The following HSD17B12 variants were observed in gnomAD, a reference collection of about 807,000 sequenced individuals.
HSD17B12 encodes the protein very-long-chain 3-oxoacyl-CoA reductase.
In HSD17B12, 32 loss-of-function variants were observed where a neutral mutation model predicts 39.3. The observed-to-expected ratio is 0.81, with a 90% CI of 0.61 to 1.09. The LOEUF is 1.09. HSD17B12 is among the 50% of genes least tolerant of loss of function. HSD17B12 has a pLI of 0.00. For synonymous variants in HSD17B12, 150 were observed against 146.7 expected, an observed-to-expected ratio of 1.02 and a Z score of -0.16; for missense variants, 342 against 382.9, an observed-to-expected ratio of 0.89 and a Z score of 0.89.
chr11:43,595,842 G>A, the HSD17B12 span, among the ~76,000 whole-genome samples: 1 of 151,642 alleles, frequency 6.6e-6, no homozygotes, highest in Non-Finnish European at 1.5e-5. Context: ...CACAGAGCGA[G>A]AGAGAGAGAG....
At chr11:43,576,253 G>T in the HSD17B12 span, among the ~76,000 whole-genome samples, 3 of 152,178 alleles carry the variant, frequency 2.0e-5, no homozygotes, top group South Asian at 6.2e-4. Flanking sequence ...AACATTTTCT[G>T]CAGTTATGCA....
At chr11:43,700,496 C>T (rs1949954217) in intron 1 of HSD17B12, among the ~76,000 whole-genome samples, 1 of 152,084 alleles carries the variant, frequency 6.6e-6, no homozygotes, top group Admixed American at 6.6e-5. Context: ...CCCCACTACC[C>T]TTCCTAGCTT....
At chr11:43,720,848 GA>G (rs200411337) in intron 1 of HSD17B12, among the ~76,000 whole-genome samples, 10 of 151,504 alleles carry the variant, frequency 6.6e-5, no homozygotes, top group Admixed American at 2.0e-4. Context: ...GAGTTTTAAT[GA>G]AAAAAAACCA....
chr11:43,710,247 T>C (rs1950052293), intron 1 of HSD17B12, among the ~76,000 whole-genome samples: 1 of 152,230 alleles, frequency 6.6e-6, no homozygotes, highest in Non-Finnish European at 1.5e-5. Context: ...TTCCTTATCT[T>C]ATTTTAATGG....
At chr11:43,659,341 C>T in the HSD17B12 span, among the ~76,000 whole-genome samples, 48 of 152,214 alleles carry the variant, frequency 3.2e-4, no homozygotes, top group Non-Finnish European at 6.0e-4. Context: ...TTGTGCTTCC[C>T]AGGTGAGGCG....
intron 9 of HSD17B12, among the ~76,000 whole-genome samples, chr11:43,850,009 G>A (rs1251769791): frequency 1.3e-5 from 2 of 152,176 alleles, no homozygotes; most frequent in African/African-American, 2.4e-5. Flanking sequence ...CATTTATCAA[G>A]GATCTTTGTG....
the HSD17B12 span, among the ~76,000 whole-genome samples, chr11:43,609,242 C>A: frequency 6.6e-6 from 1 of 151,414 alleles, no homozygotes; most frequent in Non-Finnish European, 1.5e-5. Flanking sequence ...ACCCAACATG[C>A]ACATCTCCTT....
At chr11:43,678,059 A>C (rs1476906168), upstream of HSD17B12, among the ~76,000 whole-genome samples, 2 of 152,190 alleles carry the variant, frequency 1.3e-5, no homozygotes, top group African/African-American at 4.8e-5. Context: ...ACAGTGTAAA[A>C]GTGTTCTTAT....
the HSD17B12 span, among the ~76,000 whole-genome samples, chr11:43,599,094 C>T: frequency 6.6e-6 from 1 of 152,160 alleles, no homozygotes; most frequent in African/African-American, 2.4e-5. Context: ...AATATTATTG[C>T]TATCTGCTCA....
At chr11:43,775,648 T>C (rs1269652596) in intron 3 of HSD17B12, among the ~76,000 whole-genome samples, 3 of 152,044 alleles carry the variant, frequency 2.0e-5, no homozygotes, top group Non-Finnish European at 4.4e-5. Context: ...AGGGTACATG[T>C]GCACAATGTG....
chr11:43,651,023 G>T, the HSD17B12 span, among the ~76,000 whole-genome samples: 1 of 152,108 alleles, frequency 6.6e-6, no homozygotes, highest in Admixed American at 6.5e-5. Flanking sequence ...TCCCATAAGG[G>T]GAGAGTAATG....
intron 7 of HSD17B12, among the ~76,000 whole-genome samples, chr11:43,835,521 G>A (rs1951361029): frequency 6.6e-6 from 1 of 152,168 alleles, no homozygotes; most frequent in Admixed American, 6.5e-5. Context: ...TGTTGTGTGT[G>A]TGGGTGTGGG....
intron 1 of HSD17B12, among the ~76,000 whole-genome samples, chr11:43,710,261 G>A (rs141812325): frequency 5.9e-5 from 9 of 152,220 alleles, no homozygotes; most frequent in South Asian, 2.1e-4. Context: ...TTAATGGAGC[G>A]TATCTTCTGC....
chr11:43,654,171 T>G, the HSD17B12 span, among the ~76,000 whole-genome samples: 1 of 152,350 alleles, frequency 6.6e-6, no homozygotes, highest in Non-Finnish European at 1.5e-5. Flanking sequence ...TTTCATGTGT[T>G]TTTTGGCTGC....
chr11:43,830,630 A>G (rs72894480), intron 6 of HSD17B12: 10,498 of 161,648 alleles, frequency 0.065, 468 homozygotes, highest in Middle Eastern at 0.18. Flanking sequence ...ATTTCTTCTG[A>G]TAACATATAT....
chr11:43,718,106 G>A (rs996790604), intron 1 of HSD17B12, among the ~76,000 whole-genome samples: 27 of 152,238 alleles, frequency 1.8e-4, no homozygotes, highest in Middle Eastern at 3.4e-3. Context: ...CACCTGGCCA[G>A]TTCTACCAAA....
At chr11:43,667,714 TA>T in the HSD17B12 span, among the ~76,000 whole-genome samples, 534 of 152,320 alleles carry the variant, frequency 3.5e-3, 4 homozygotes, top group African/African-American at 0.012. Context: ...TATAATATTT[TA>T]AATAATTTTC....
the HSD17B12 span, among the ~76,000 whole-genome samples, chr11:43,615,618 A>T: frequency 1.3e-5 from 2 of 152,188 alleles, no homozygotes; most frequent in Non-Finnish European, 2.9e-5. Flanking sequence ...CAAGGTGATT[A>T]TGTGGCTGAC....
chr11:43,643,536 T>C, the HSD17B12 span, among the ~76,000 whole-genome samples: 1 of 152,192 alleles, frequency 6.6e-6, no homozygotes, highest in Non-Finnish European at 1.5e-5. Flanking sequence ...CATTATTATA[T>C]TTCTGATTAT....
Sources: gnomAD v4.1 joint callset for allele counts (sites outside exome capture counted in the v4.1 genomes callset) on GRCh38, gnomAD v4.1.1 for gene constraint, MANE v1.5 for transcripts, NCBI Gene and HGNC (gene_info 2026-07-23, HGNC 2026-07-21) for gene names.